The following CSNK1G1 variants were observed in gnomAD, a reference collection of about 807,000 sequenced individuals.
CSNK1G1 encodes casein kinase I isoform gamma-1.
A neutral mutation model predicts 59.6 loss-of-function variants in CSNK1G1; 22 were observed. The ratio of observed to expected loss-of-function variants is 0.37; its 90% CI spans 0.26 to 0.53. The LOEUF is 0.53. Ranked by LOEUF, CSNK1G1 falls within the 20% of genes least tolerant of loss-of-function variation. The pLI is 0.89. For missense variants in CSNK1G1, 384 were observed against 519.5 expected, an observed-to-expected ratio of 0.74 and a Z score of 2.54; for synonymous variants, 179 against 177.1, an observed-to-expected ratio of 1.01 and a Z score of -0.08.
At chr15:64,254,871 T>C (rs1291804849) in intron 3 of CSNK1G1, among the ~76,000 whole-genome samples, 1 of 152,200 alleles carries the variant, frequency 6.6e-6, no homozygotes, top group African/African-American at 2.4e-5. Flanking sequence ...CACTGCCAAA[T>C]CCAATGTCAT....
In CSNK1G1 at chr15:64,168,420, C is replaced by G. The variant is rs1403927754; in HGVS notation, c.*3511G>C. ...TCTTACTGCAGAGACACAAGTGATACCCTGGTCAAAAGGGAGTAGGGGGGA... is the reference window on the plus strand; with the variant it reads ...TCTTACTGCAGAGACACAAGTGATAGCCTGGTCAAAAGGGAGTAGGGGGGA... On this transcript the variant is annotated 3_prime_UTR_variant, in exon 12 of 12. Transcript: ENST00000303052. 1 of 152,288 alleles carries G rather than the reference C, an allele frequency of 6.6e-6. No homozygotes were observed. Among genetic ancestry groups the G allele is most frequent in the Non-Finnish European group, 1.5e-5 (1 of 68,060 alleles). 9.4% of individuals were successfully genotyped at this position (152,288 alleles called of 1,614,324 possible). A position where few individuals can be genotyped will look rare whatever the true frequency, so the allele number is the denominator to read the frequency against.
At chr15:64,329,362 T>C (rs1464198587) in intron 1 of CSNK1G1, among the ~76,000 whole-genome samples, 2 of 149,240 alleles carry the variant, frequency 1.3e-5, no homozygotes, top group African/African-American at 4.9e-5. Context: ...AACTCAGGAT[T>C]AAGAATCTCA....
chr15:64,279,814 A>C (rs1276005048), intron 2 of CSNK1G1, among the ~76,000 whole-genome samples: 2 of 152,010 alleles, frequency 1.3e-5, no homozygotes, highest in Non-Finnish European at 2.9e-5. Flanking sequence ...TCTACTAAAA[A>C]TACAAAAATT....
rs1224051998 is a variant in CSNK1G1 at position 64,180,399 on chromosome 15, G to A, written c.1163C>T (p.Ser388Phe). The change falls in exon 11 of 12, where the codon TCC (serine) becomes TTC (phenylalanine). Residue 388 changes from serine to phenylalanine, a missense_variant. Coordinates refer to ENST00000303052, the MANE Select transcript of CSNK1G1 (RefSeq NM_022048.5). ...GGCATGAGCTGTGATTGGTGCATTG[G>A]AGTGGGCTCCCGTGGGATCATCAAC... is the stretch of plus-strand genomic sequence containing the variant. ...LNVDDPTGAH[S>F]NAPITAHAEV... 1.2e-6 allele frequency: 2 copies of A among 1,614,044 alleles called. No individual in the cohort carries two copies. Among genetic ancestry groups the A allele is most frequent in the Admixed American group, 3.3e-5 (2 of 60,002 alleles).
rs1413517644 is a variant in CSNK1G1 at position 64,176,733 on chromosome 15, TC to T, written c.1214+3614del. Among the ~76,000 whole-genome samples the T allele has an allele frequency of 1.3e-5, 2 of 152,096 alleles. No homozygotes were observed. The highest frequency in any genetic ancestry group is 2.9e-5 in the Non-Finnish European group (2 of 68,032). On this transcript the variant is annotated intron_variant, in intron 11 of 11. Transcript: ENST00000303052. The surrounding 1 kb of genome is among the most constrained non-coding windows in gnomAD (Gnocchi z 5.2). ...CAAATATTCTGAGGGAAAAAGAAAGTCCCTAGCCTTTGTGCAAGTCCAACAT... is the reference window on the plus strand; with the variant it reads ...CAAATATTCTGAGGGAAAAAGAAAGTCCTAGCCTTTGTGCAAGTCCAACAT...
At chr15:64,182,052 C>CTTTTTTTTTTTTTTTTTTTTTTT (rs1567358672) in intron 10 of CSNK1G1, 1 of 118,372 alleles carries the variant, frequency 8.4e-6, no homozygotes, top group Admixed American at 8.0e-5. Flanking sequence ...ATTAGTAACC[C>CTTTTTTTTTTTTTTTTTTTTTTT]GTTTTTTTTT....
Position 64,210,781 on chromosome 15 carries a change from C to T in CSNK1G1, c.679+3109G>A, listed in dbSNP as rs192131576. 5.3e-5 allele frequency among the ~76,000 whole-genome samples: 8 copies of T among 152,302 alleles called. No individual in the cohort carries two copies. Among genetic ancestry groups the T allele is most frequent in the African/African-American group, 1.9e-4 (8 of 41,562 alleles). The stretch of plus-strand genomic sequence containing the variant: ...TCCTTCCCCCGGACCCCCCAACACA[C>T]ACAAACCTCACGTTGAAATTTGATC... On this transcript the variant is annotated intron_variant, in intron 6 of 11. Coordinates refer to ENST00000303052, the MANE Select transcript of CSNK1G1 (RefSeq NM_022048.5). This position sits in a 1 kb window ranked among gnomAD's most constrained non-coding sequence, Gnocchi z 4.2.
At chr15:64,310,451 CAT>C (rs1382951959) in intron 1 of CSNK1G1, among the ~76,000 whole-genome samples, 1 of 151,606 alleles carries the variant, frequency 6.6e-6, no homozygotes, top group East Asian at 1.9e-4. Context: ...CACGGTGGCT[CAT>C]ACCTATAATC....
chr15:64,305,036 C>T (rs1295620290), intron 1 of CSNK1G1, among the ~76,000 whole-genome samples: 1 of 152,074 alleles, frequency 6.6e-6, no homozygotes, highest in Non-Finnish European at 1.5e-5. Flanking sequence ...AGGGCAAAAC[C>T]AAAAATCTTT....
chr15:64,353,732 G>A (rs552162673), intron 1 of CSNK1G1, among the ~76,000 whole-genome samples: 1 of 150,934 alleles, frequency 6.6e-6, no homozygotes, highest in Admixed American at 6.6e-5. Context: ...TTGGGAGGGC[G>A]ACGCAGGAGG....
At chr15:64,239,181 G>C (rs1255134460) in intron 4 of CSNK1G1, among the ~76,000 whole-genome samples, 2 of 152,134 alleles carry the variant, frequency 1.3e-5, no homozygotes, top group East Asian at 3.9e-4. Context: ...GAAAGTTTAA[G>C]AGAGTCAACA....
chr15:64,260,878 G>A (rs1474281433), intron 2 of CSNK1G1, among the ~76,000 whole-genome samples: 1 of 152,096 alleles, frequency 6.6e-6, no homozygotes, highest in Non-Finnish European at 1.5e-5. Context: ...ACCTTTACGT[G>A]TCAAAGAGTA....
chr15:64,295,072 T>C (rs928844164), intron 2 of CSNK1G1, among the ~76,000 whole-genome samples: 79 of 152,112 alleles, frequency 5.2e-4, no homozygotes, highest in African/African-American at 1.8e-3. Flanking sequence ...TCTAGTTTGG[T>C]GTGATTTCTT....
At position 64,180,451 on chromosome 15, in the gene CSNK1G1, C is replaced by T; in HGVS notation, c.1111G>A (p.Val371Ile). The T allele has an allele frequency of 1.9e-6, 3 of 1,612,436 alleles. No individual in the cohort carries two copies. The highest frequency in any genetic ancestry group is 2.5e-6 in the Non-Finnish European group (3 of 1,178,454). ...TTCAGCTCTCCATTGGTTGAGCTAA[C>T]CACCTGAAACAGAAAGACAGAAGTG... ...SQQQPLRNQVVSSTNGELNVD... is the reference protein window; with the variant it reads ...SQQQPLRNQVISSTNGELNVD... The change falls in exon 11 of 12, where the codon GTT becomes ATT. Residue 371 changes from valine (V) to isoleucine (I), a missense_variant. Val to Ile is a conservative substitution (Grantham distance 29). Around this residue, in one of 3 missense-constraint regions of CSNK1G1, gnomAD observed 325 missense variants for 440.9 expected, o/e 0.74. Transcript: ENST00000303052.
intron 1 of CSNK1G1, among the ~76,000 whole-genome samples, chr15:64,307,520 C>A (rs112671354): frequency 0.015 from 2,318 of 152,134 alleles, 54 homozygotes; most frequent in African/African-American, 0.046. Flanking sequence ...TCAAGACCAG[C>A]CTGGACAACG....
At chr15:64,174,353 T>C (rs975065092) in intron 11 of CSNK1G1, among the ~76,000 whole-genome samples, 1 of 152,236 alleles carries the variant, frequency 6.6e-6, no homozygotes, top group African/African-American at 2.4e-5. Context: ...TTATCTTTGC[T>C]AGTTATTGTA....
At chr15:64,236,142 C>CAAAAAAAAAA (rs532663571) in intron 4 of CSNK1G1, among the ~76,000 whole-genome samples, 43 of 67,388 alleles carry the variant, frequency 6.4e-4, no homozygotes, top group East Asian at 1.1e-3. Context: ...GACTCCATCT[C>CAAAAAAAAAA]AAAAAAAAAA....
At chr15:64,277,834 T>A (rs1893802367) in intron 2 of CSNK1G1, among the ~76,000 whole-genome samples, 2 of 137,762 alleles carry the variant, frequency 1.5e-5, no homozygotes, top group Admixed American at 7.7e-5. Context: ...TTAATAATAA[T>A]ATTGATATAT....
chr15:64,208,688 C>T (rs1029185287), intron 6 of CSNK1G1, among the ~76,000 whole-genome samples: 1 of 152,090 alleles, frequency 6.6e-6, no homozygotes, highest in Non-Finnish European at 1.5e-5. Flanking sequence ...TGGAACCACA[C>T]TCGGCTAATT....
Sources: allele counts gnomAD v4.1 joint callset (sites outside exome capture counted in the v4.1 genomes callset), GRCh38; gene constraint gnomAD v4.1.1; regional missense constraint gnomAD v4.1.1; non-coding constraint Gnocchi (gnomAD v3.1); transcripts MANE v1.5; gene names NCBI Gene and HGNC (gene_info 2026-07-23, HGNC 2026-07-21).